Variants in TNNI3K observed in about 807,000 individuals in gnomAD.
The protein encoded by TNNI3K is TNNI3 interacting kinase, also known as serine/threonine-protein kinase TNNI3K.
Under a neutral mutation model 114.5 loss-of-function variants are expected in TNNI3K, and 140 were observed. The ratio of observed to expected loss-of-function variants is 1.22; its 90% confidence interval spans 1.07 to 1.41. TNNI3K has a LOEUF of 1.41. Ranked by LOEUF, TNNI3K falls within the 40% of genes most tolerant of loss-of-function variation. The probability of loss-of-function intolerance (pLI) is 0.00; values close to 1 mark genes in which losing one functional copy is unlikely to be tolerated. For missense variants in TNNI3K, 1,125 were observed against 1,007.6 expected (o/e 1.12, Z -1.58); for synonymous variants, 347 against 347.5 (o/e 1.00, Z 0.02).
intron 23 of TNNI3K, among the ~76,000 whole-genome samples, chr1:74,502,842 T>G (rs1055169540): frequency 2.0e-5 from 3 of 152,186 alleles, no homozygotes; most frequent in African/African-American, 7.2e-5. Flanking sequence ...AGGCGTGCCG[T>G]GGACTCCCTC....
intron 17 of TNNI3K, among the ~76,000 whole-genome samples, chr1:74,422,507 T>C (rs1665447429): frequency 6.6e-6 from 1 of 152,108 alleles, no homozygotes; most frequent in African/African-American, 2.4e-5. Flanking sequence ...GTGAACTAAA[T>C]GGCAGAGCTG....
At chr1:74,281,549 A>G (rs1344088255) in intron 5 of TNNI3K, among the ~76,000 whole-genome samples, 1 of 152,160 alleles carries the variant, frequency 6.6e-6, no homozygotes, top group East Asian at 1.9e-4. Flanking sequence ...TAATGTCCCC[A>G]TTATATTGAG....
intron 4 of TNNI3K, 66 bp downstream of exon 4, chr1:74,250,835 T>TG: frequency 7.2e-7 from 1 of 1,385,154 alleles, no homozygotes; most frequent in Non-Finnish European, 9.6e-7. Context: ...TTTAGGCTTT[T>TG]TTTTTTTTTT....
chr1:74,413,894 C>T (rs1460180150), intron 17 of TNNI3K, among the ~76,000 whole-genome samples: 4 of 152,106 alleles, frequency 2.6e-5, no homozygotes, highest in Non-Finnish European at 4.4e-5. Flanking sequence ...GATGATTTAA[C>T]GTTGATATAT....
chr1:74,377,716 G>A (rs529673087), intron 17 of TNNI3K, among the ~76,000 whole-genome samples: 1 of 151,614 alleles, frequency 6.6e-6, no homozygotes, highest in Non-Finnish European at 1.5e-5. Flanking sequence ...TTTCTGTTTC[G>A]GCTATCTGTG....
intron 21 of TNNI3K, chr1:74,480,653 C>A (rs879127983): frequency 2.8e-6 from 2 of 717,256 alleles, no homozygotes; most frequent in South Asian, 3.0e-5. Context: ...CAGCTGGAGC[C>A]GGGTCAGGCC....
intron 17 of TNNI3K, among the ~76,000 whole-genome samples, chr1:74,416,882 G>A (rs894758446): frequency 2.6e-5 from 4 of 151,864 alleles, no homozygotes; most frequent in African/African-American, 4.8e-5. Context: ...TCCATGGTGT[G>A]TGTATATTTT....
intron 21 of TNNI3K, chr1:74,475,704 A>T (rs2100748689): frequency 1.4e-6 from 1 of 703,930 alleles, no homozygotes; most frequent in Middle Eastern, 2.4e-4. Flanking sequence ...ACAGGGGTTC[A>T]TCGAAGGTTC....
At chr1:74,292,117 G>T (rs930288569) in intron 5 of TNNI3K, among the ~76,000 whole-genome samples, 34 of 150,910 alleles carry the variant, frequency 2.3e-4, no homozygotes, top group Admixed American at 4.0e-4. Context: ...TGATTATTTT[G>T]GTCTCTCTTT....
intron 23 of TNNI3K, among the ~76,000 whole-genome samples, chr1:74,500,570 C>G (rs1669567556): frequency 8.6e-6 from 1 of 115,792 alleles, no homozygotes; most frequent in Non-Finnish European, 1.6e-5. Flanking sequence ...CGCCACTGCA[C>G]TCCAGCCTGG....
At chr1:74,434,331 T>G (rs1236890256) in intron 17 of TNNI3K, among the ~76,000 whole-genome samples, 1 of 152,002 alleles carries the variant, frequency 6.6e-6, no homozygotes, top group Non-Finnish European at 1.5e-5. Flanking sequence ...TCCCAACTCT[T>G]GCCCTTTGCC....
At chr1:74,507,857 G>A (rs552451383) in intron 23 of TNNI3K, among the ~76,000 whole-genome samples, 43 of 152,288 alleles carry the variant, frequency 2.8e-4, no homozygotes, top group East Asian at 1.5e-3. Flanking sequence ...TTGAAGCAGC[G>A]TTTGTATTTT....
intron 5 of TNNI3K, 51 bp downstream of exon 5, chr1:74,271,759 G>T: frequency 2.0e-6 from 3 of 1,467,920 alleles, no homozygotes; most frequent in Non-Finnish European, 2.8e-6. Context: ...TACCTTTTCG[G>T]TTGTTGTTCT....
chr1:74,446,196 C>A (rs1171749617), intron 20 of TNNI3K, among the ~76,000 whole-genome samples: 1 of 152,068 alleles, frequency 6.6e-6, no homozygotes, highest in Non-Finnish European at 1.5e-5. Context: ...TCCTCTCCAG[C>A]ACCTGTTGTT....
chr1:74,463,150 C>G (rs1480551611), intron 20 of TNNI3K, among the ~76,000 whole-genome samples: 1 of 152,200 alleles, frequency 6.6e-6, no homozygotes, highest in Non-Finnish European at 1.5e-5. Context: ...TGTACATACC[C>G]TATACTTCAG....
intron 6 of TNNI3K, among the ~76,000 whole-genome samples, chr1:74,334,376 A>T (rs2100420876): frequency 6.6e-6 from 1 of 152,278 alleles, no homozygotes; most frequent in African/African-American, 2.4e-5. Flanking sequence ...AAGTAAAAAT[A>T]GTTTTAGAGC....
intron 11 of TNNI3K, 90 bp downstream of exon 11, chr1:74,354,219 G>T: frequency 6.4e-7 from 1 of 1,560,550 alleles, no homozygotes; most frequent in Non-Finnish European, 8.7e-7. Context: ...TTGCTTGCAT[G>T]ACTTGAACAC....
At chr1:74,366,005 C>T (rs1003633741) in intron 11 of TNNI3K, among the ~76,000 whole-genome samples, 2 of 148,326 alleles carry the variant, frequency 1.3e-5, no homozygotes, top group Admixed American at 1.3e-4. Context: ...AAAAGCTTTT[C>T]GTGTTTGTAA....
chr1:74,315,059 C>G (rs1296663518), intron 5 of TNNI3K, among the ~76,000 whole-genome samples: 2 of 152,112 alleles, frequency 1.3e-5, no homozygotes, highest in Non-Finnish European at 2.9e-5. Flanking sequence ...AAAGAAAATA[C>G]AACCCATTAT....
Sources: gnomAD v4.1 joint callset for allele counts (sites outside exome capture counted in the v4.1 genomes callset) on GRCh38, gnomAD v4.1.1 for gene constraint, MANE v1.5 for transcripts, NCBI Gene and HGNC (gene_info 2026-07-23, HGNC 2026-07-21) for gene names.